Variants in GNB4 observed in about 807,000 individuals in gnomAD.
GNB4 encodes guanine nucleotide-binding protein subunit beta-4.
In GNB4, 28 loss-of-function variants were observed where a neutral mutation model predicts 45.2. The ratio of observed to expected loss-of-function variants is 0.62; its 90% CI spans 0.46 to 0.85. The LOEUF (loss-of-function observed/expected upper bound fraction) is 0.85. GNB4 is among the 40% of genes least tolerant of loss of function. The probability of loss-of-function intolerance (pLI) is 0.00; values close to 1 mark genes in which losing one functional copy is unlikely to be tolerated. For synonymous variants in GNB4, 132 were observed against 143.7 expected (o/e 0.92, Z 0.58); for missense variants, 321 against 425.4 (o/e 0.75, Z 2.16).
At chr3:179,486,127 G>T in the GNB4 span, among the ~76,000 whole-genome samples, 1 of 149,788 alleles carries the variant, frequency 6.7e-6, no homozygotes, top group Non-Finnish European at 1.5e-5. Flanking sequence ...GGAGGCTGAG[G>T]CAGAGAACTG....
rs765056278 is a variant in GNB4 at position 179,426,158 on chromosome 3, G to C, written c.43C>G (p.Arg15Gly). ...EQLRQEAEQL[R>G]NQIQDARKAC... ...AAAGGTTTTACCTGAATCTGATTCC[G>C]CAGTTGTTCTGCTTCTTGCCTCAAC... The change falls in exon 2 of 10, where the codon CGG becomes GGG. Residue 15 changes from arginine to glycine, a missense_variant. Physicochemically the swap from Arg to Gly is moderately radical, Grantham distance 125. Coordinates refer to ENST00000232564, the MANE Select transcript of GNB4 (RefSeq NM_021629.4). 1 of 1,602,834 alleles carries C rather than the reference G, an allele frequency of 6.2e-7. No individual in the cohort carries two copies. Among genetic ancestry groups the C allele is most frequent in the Non-Finnish European group, 8.5e-7 (1 of 1,177,166 alleles).
intron 1 of GNB4, among the ~76,000 whole-genome samples, chr3:179,439,482 C>T (rs1244972996): frequency 6.6e-6 from 1 of 152,124 alleles, no homozygotes; most frequent in Non-Finnish European, 1.5e-5. Context: ...TACACACCTC[C>T]CTCACACTTG....
At chr3:179,432,771 T>C (rs1371330882) in intron 1 of GNB4, among the ~76,000 whole-genome samples, 1 of 152,218 alleles carries the variant, frequency 6.6e-6, no homozygotes, top group Non-Finnish European at 1.5e-5. Context: ...TAAGGACACA[T>C]TTTGACAGCA....
At chr3:179,417,619 C>T (rs1172303137) in intron 4 of GNB4, among the ~76,000 whole-genome samples, 1 of 152,100 alleles carries the variant, frequency 6.6e-6, no homozygotes, top group Non-Finnish European at 1.5e-5. Flanking sequence ...AACTCTTGAC[C>T]TCAAGTGATC....
At position 179,443,831 on chromosome 3, in the gene GNB4, T is replaced by C. The variant is rs143313728; in HGVS notation, c.-43+7515A>G. Among the ~76,000 whole-genome samples the C allele has an allele frequency of 7.9e-4, 121 of 152,322 alleles. 1 individual carries two copies. Among genetic ancestry groups the C allele is most frequent in the African/African-American group, 2.8e-3 (116 of 41,568 alleles). On this transcript the variant is annotated intron_variant, in intron 1 of 9. Coordinates refer to ENST00000232564, the MANE Select transcript of GNB4 (RefSeq NM_021629.4). ...ATAACTGAAGTTATTTGGGATTCTATCCCATCCCCAATTCTCTACCCCACC... is the reference window on the plus strand; with the variant it reads ...ATAACTGAAGTTATTTGGGATTCTACCCCATCCCCAATTCTCTACCCCACC...
chr3:179,405,112 G>T, intron 9 of GNB4, 78 bp downstream of exon 9: 1 of 989,216 alleles, frequency 1.0e-6, no homozygotes, highest in Non-Finnish European at 1.5e-6. Flanking sequence ...AGATGTCCAT[G>T]GAGGCCTAGA....
intron 1 of GNB4, among the ~76,000 whole-genome samples, chr3:179,445,292 C>A (rs1385601478): frequency 6.6e-6 from 1 of 151,612 alleles, no homozygotes; most frequent in Non-Finnish European, 1.5e-5. Context: ...TTTTTCCTTT[C>A]TTTCTTTTTT....
chr3:179,460,039 T>C, the GNB4 span, among the ~76,000 whole-genome samples: 1 of 152,258 alleles, frequency 6.6e-6, no homozygotes. Context: ...CTTCCTGTTT[T>C]GCTTCAACTG....
chr3:179,511,568 A>C, the GNB4 span, among the ~76,000 whole-genome samples: 4 of 152,166 alleles, frequency 2.6e-5, no homozygotes, highest in Non-Finnish European at 4.4e-5. Flanking sequence ...TCTTAGCTCT[A>C]CCACTTACTG....
At chr3:179,417,635 G>A (rs917807304) in intron 4 of GNB4, among the ~76,000 whole-genome samples, 8 of 152,058 alleles carry the variant, frequency 5.3e-5, no homozygotes, top group Admixed American at 4.6e-4. Flanking sequence ...TGATCCACTC[G>A]CTTGGCCTCC....
Position 179,445,953 on chromosome 3 carries a change from T to C in GNB4, c.-43+5393A>G, listed in dbSNP as rs143761610. Among the ~76,000 whole-genome samples the C allele has an allele frequency of 5.4e-3, 818 of 152,330 alleles. 3 individuals are homozygous for C. The highest frequency in any genetic ancestry group is 0.014 in the Middle Eastern group (4 of 294). ...CTGTTACTGCCATAAATATGAAATA[T>C]AGACACTAAGAGAAACTTTATATTA... On this transcript the variant is annotated intron_variant, in intron 1 of 9. Coordinates refer to ENST00000232564, the MANE Select transcript of GNB4 (RefSeq NM_021629.4).
At chr3:179,481,480 C>A in the GNB4 span, among the ~76,000 whole-genome samples, 16,993 of 151,970 alleles carry the variant, frequency 0.11, 1,527 homozygotes, top group African/African-American at 0.25. Flanking sequence ...CATAGCTAAG[C>A]TTCTTTTATA....
At chr3:179,525,585 G>A in the GNB4 span, among the ~76,000 whole-genome samples, 2 of 152,184 alleles carry the variant, frequency 1.3e-5, no homozygotes, top group Non-Finnish European at 2.9e-5. Flanking sequence ...TCCCCGTGGT[G>A]ATCAGACACC....
chr3:179,459,455 G>A, the GNB4 span, among the ~76,000 whole-genome samples: 2 of 152,058 alleles, frequency 1.3e-5, no homozygotes, highest in Non-Finnish European at 2.9e-5. Flanking sequence ...GGCCAAGGTG[G>A]GCGGATTATC....
At chr3:179,453,623 A>T (rs1196208049), upstream of GNB4, among the ~76,000 whole-genome samples, 1 of 152,222 alleles carries the variant, frequency 6.6e-6, no homozygotes, top group East Asian at 1.9e-4. Flanking sequence ...ACAGCTCCTA[A>T]ACATAAAATA....
intron 1 of GNB4, among the ~76,000 whole-genome samples, chr3:179,447,160 T>C (rs1715753919): frequency 6.6e-6 from 1 of 152,056 alleles, no homozygotes; most frequent in African/African-American, 2.4e-5. Flanking sequence ...GGATGAGCTA[T>C]GTCTTCATTG....
chr3:179,478,942 C>T, the GNB4 span, among the ~76,000 whole-genome samples: 16 of 152,272 alleles, frequency 1.1e-4, no homozygotes, highest in African/African-American at 2.6e-4. Context: ...CATGTGAAGA[C>T]GCCTGCTTCC....
chr3:179,431,451 C>T (rs1312099838), intron 1 of GNB4, among the ~76,000 whole-genome samples: 3 of 150,750 alleles, frequency 2.0e-5, no homozygotes, highest in Admixed American at 1.3e-4. Flanking sequence ...CTCAGCTTCT[C>T]GGGAAATTGA....
chr3:179,452,166 T>C (rs965497886), upstream of GNB4, among the ~76,000 whole-genome samples: 1 of 151,926 alleles, frequency 6.6e-6, no homozygotes, highest in African/African-American at 2.4e-5. Context: ...CAGATATCCC[T>C]GCCAAGTCGC....
Sources: gnomAD v4.1 joint callset for allele counts (sites outside exome capture counted in the v4.1 genomes callset) on GRCh38, gnomAD v4.1.1 for gene constraint, MANE v1.5 for transcripts, NCBI Gene and HGNC (gene_info 2026-07-23, HGNC 2026-07-21) for gene names.